The following ACOT8 variants were observed in gnomAD, a reference collection of about 807,000 sequenced individuals.
ACOT8 encodes acyl-coenzyme A thioesterase 8.
A neutral mutation model predicts 38.4 loss-of-function variants in ACOT8; 31 were observed. The observed-to-expected ratio is 0.81, with a 90% CI of 0.61 to 1.09. The LOEUF is 1.09. Among genes scored for constraint, ACOT8 ranks in the 50% least tolerant of loss-of-function variants. ACOT8 has a pLI of 0.00. For missense variants in ACOT8, 373 were observed against 421.8 expected (o/e 0.88, Z 1.01); for synonymous variants, 158 against 170.3 (o/e 0.93, Z 0.56).
In ACOT8 at chr20:45,843,571, C is replaced by T. The variant is rs762380579; in HGVS notation, c.797G>A (p.Arg266Gln). The T allele has an allele frequency of 5.0e-6, 8 of 1,612,274 alleles. No homozygotes were observed. The highest frequency in any genetic ancestry group is 3.3e-5 in the Admixed American group (2 of 59,960). Residue 266 changes from arginine to glutamine, a missense_variant, in exon 5 of 6, where the codon CGA becomes CAA. Arg to Gln is a conservative substitution (Grantham distance 43, BLOSUM62 1). Transcript: ENST00000217455. ...DHSMWFHAPF[R>Q]ADHWMLYECE... ...TTCATAGAGCATCCAGTGGTCAGCT[C>T]GGAAGGGGGCGTGGAACCACATGGA...
At chr20:45,843,983 G>T (rs1984475821) in intron 4 of ACOT8, 1 of 795,678 alleles carries the variant, frequency 1.3e-6, no homozygotes, top group Non-Finnish European at 2.0e-6. Context: ...CTTCCAATTT[G>T]CACAAAGATA....
Position 45,843,508 on chromosome 20 carries a change from C to T in ACOT8, c.841+19G>A, listed in dbSNP as rs1416471680. 7 of 1,605,198 alleles carry T rather than the reference C, an allele frequency of 4.4e-6. No homozygotes were observed. Among genetic ancestry groups the T allele is most frequent in the Non-Finnish European group, 5.1e-6 (6 of 1,175,022 alleles). On this transcript the variant is annotated intron_variant, in intron 5 of 5. Coordinates refer to ENST00000217455, the MANE Select transcript of ACOT8 (RefSeq NM_005469.4). ...CCACTCAAGGTCAGTGCCCTTGTCC[C>T]ACACGGCCCCACACTCACCGGCCCA...
rs747000385 is a variant in ACOT8, at chr20:45,848,543, T to C, written c.395A>G (p.Gln132Arg). 1.2e-6 allele frequency: 2 copies of C among 1,614,004 alleles called. No homozygotes were observed. The highest frequency in any genetic ancestry group is 2.7e-5 in the African/African-American group (2 of 74,900). Residue 132 changes from glutamine (Q) to arginine (R), a missense_variant, in exon 3 of 6, where the codon CAG becomes CGG. Transcript: ENST00000217455. The stretch of plus-strand genomic sequence containing the variant: ...GAACTGGTGCTGCATGGGGCTGGGC[T>C]GGGCCTGCTGGAAGGAGGCCTGGCA... The part of the protein sequence containing the change: ...FICQASFQQA[Q>R]PSPMQHQFSM...
In ACOT8 at chr20:45,844,092, C is replaced by T; in HGVS notation, c.646+171G>A. Reference sequence around the variant, plus strand: ...TCGGGATTATAGTCATCTCCACCTTCTCCCCATGCAAAGGGCTGAGAGGGC... The same window carrying T: ...TCGGGATTATAGTCATCTCCACCTTTTCCCCATGCAAAGGGCTGAGAGGGC... On this transcript the variant is annotated intron_variant, in intron 4 of 5. Transcript: ENST00000217455. The T allele has an allele frequency of 5.6e-5, 54 of 967,990 alleles. No individual in the cohort carries two copies. The South Asian group carries it at 7.0e-4, about 13-fold the overall frequency. The allele number at this position is 967,990 out of a possible 1,614,324, so 60.0% of individuals were successfully genotyped here.
Position 45,855,161 on chromosome 20 carries a change from G to C in ACOT8, c.260C>G (p.Ala87Gly), listed in dbSNP as rs758562529. Residue 87 changes from alanine (A) to glycine (G), a missense_variant and splice_region_variant, in exon 2 of 6, where the codon GCA (alanine) becomes GGA (glycine). Physicochemically the swap from Ala to Gly is moderately conservative, Grantham distance 60. Coordinates refer to ENST00000217455, the MANE Select transcript of ACOT8 (RefSeq NM_005469.4). ...VHSLHCYFVR[A>G]GDPKLPVLYQ... ...GGGGCAGGAAGTGGGGGGTTTACCT[G>C]CCCGAACAAAGTAGCAGTGCAGGGA... The C allele has an allele frequency of 6.2e-7, 1 of 1,613,880 alleles. No individual in the cohort carries two copies. Among genetic ancestry groups the C allele is most frequent in the Admixed American group, 1.7e-5 (1 of 60,006 alleles).
In ACOT8 at chr20:45,855,310, A is replaced by G. The variant is rs1439050309; in HGVS notation, c.129-18T>C. ...GCCTTCCTCTGTAGGGAGAGGGGGA[A>G]AGAGGGAAAGACTTGGGAACTGGGC... is the stretch of plus-strand genomic sequence containing the variant. On this transcript the variant is annotated intron_variant, in intron 1 of 5. Coordinates refer to ENST00000217455, the MANE Select transcript of ACOT8 (RefSeq NM_005469.4). 1 of 1,613,552 alleles carries G rather than the reference A, an allele frequency of 6.2e-7. No individual in the cohort carries two copies. The highest frequency in any genetic ancestry group is 1.7e-5 in the Admixed American group (1 of 60,008).
At position 45,857,138 on chromosome 20, in the gene ACOT8, T is replaced by C. The variant is rs768208439; in HGVS notation, c.128+50A>G. The C allele has an allele frequency of 4.4e-6, 7 of 1,577,134 alleles. No individual in the cohort carries two copies. In the East Asian group the frequency reaches 1.6e-4, roughly 36 times the overall value. On this transcript the variant is annotated intron_variant, in intron 1 of 5. Coordinates refer to ENST00000217455, the MANE Select transcript of ACOT8 (RefSeq NM_005469.4). ...GGGCCCCGGGCGGCGGCAGTCAAGA[T>C]CAAGTTTCTGCCCTAAAGGAGGGGA...
chr20:45,842,383 C>T (rs1351465870), intron 5 of ACOT8: 1 of 1,278,630 alleles, frequency 7.8e-7, no homozygotes, highest in East Asian at 3.5e-5. Flanking sequence ...ACAGCTCGGC[C>T]AAGCAGAACT....
intron 2 of ACOT8, chr20:45,853,733 G>A (rs1985205928): frequency 1.7e-5 from 5 of 298,608 alleles, no homozygotes; most frequent in Non-Finnish European, 1.9e-5. Flanking sequence ...CTGAGCCCAA[G>A]GTAAGTATTC....
intron 1 of ACOT8, among the ~76,000 whole-genome samples, chr20:45,855,729 G>C (rs757368707): frequency 7.2e-5 from 11 of 151,954 alleles, no homozygotes; most frequent in Non-Finnish European, 1.6e-4. Context: ...CTCCAGCCTG[G>C]GTGACAGAGC....
In ACOT8 at chr20:45,843,607, G is replaced by A. The variant is rs142815229; in HGVS notation, c.761C>T (p.Ser254Leu). The stretch of plus-strand genomic sequence containing the variant: ...GTGGAACCACATGGAATGGTCCAGT[G>A]AGACCATGAAGTGCACCTTGTGCTG... ...QWQHKVHFMV[S>L]LDHSMWFHAP... Residue 254 changes from serine (S) to leucine (L), a missense_variant, in exon 5 of 6, where the codon TCA becomes TTA. Ser to Leu is a moderately radical substitution (Grantham distance 145). Transcript: ENST00000217455. The A allele has an allele frequency of 6.2e-7, 1 of 1,613,894 alleles. No individual in the cohort carries two copies. The highest frequency in any genetic ancestry group is 1.3e-5 in the African/African-American group (1 of 75,060).
At chr20:45,850,878 C>T (rs1050612153) in intron 2 of ACOT8, among the ~76,000 whole-genome samples, 1 of 152,060 alleles carries the variant, frequency 6.6e-6, no homozygotes, top group African/African-American at 2.4e-5. Flanking sequence ...AACAAGACCA[C>T]CACCACCAGA....
At chr20:45,851,588 A>C (rs772577447) in intron 2 of ACOT8, among the ~76,000 whole-genome samples, 6 of 152,216 alleles carry the variant, frequency 3.9e-5, no homozygotes, top group Non-Finnish European at 8.8e-5. Flanking sequence ...GCCTGACAGC[A>C]TTGGACAGGA....
chr20:45,844,627 G>A (rs561951994), intron 3 of ACOT8, among the ~76,000 whole-genome samples: 1 of 152,266 alleles, frequency 6.6e-6, no homozygotes, highest in African/African-American at 2.4e-5. Flanking sequence ...TTAGTAATCT[G>A]AGTCTATTTT....
At chr20:45,844,883 C>T (rs1984562787) in intron 3 of ACOT8, among the ~76,000 whole-genome samples, 1 of 152,086 alleles carries the variant, frequency 6.6e-6, no homozygotes, top group African/African-American at 2.4e-5. Context: ...ATTGGAGAGA[C>T]AGGATTTGGA....
chr20:45,856,029 C>T (rs1416365525), intron 1 of ACOT8, among the ~76,000 whole-genome samples: 2 of 152,078 alleles, frequency 1.3e-5, no homozygotes, highest in Non-Finnish European at 2.9e-5. Flanking sequence ...TTTGGGAAGC[C>T]GAGGTGGGAG....
chr20:45,848,302 A>T, intron 3 of ACOT8, 148 bp downstream of exon 3: 2 of 736,882 alleles, frequency 2.7e-6, no homozygotes, highest in Non-Finnish European at 2.2e-6. Flanking sequence ...TCTTGCCCTT[A>T]ATACATACAT....
At chr20:45,848,409 G>A in intron 3 of ACOT8, 41 bp downstream of exon 3, 2 of 1,496,368 alleles carry the variant, frequency 1.3e-6, no homozygotes, top group Non-Finnish European at 1.8e-6. Context: ...GATAGCAGCT[G>A]CATTTTGAAA....
intron 5 of ACOT8, chr20:45,842,358 G>T (rs1984272635): frequency 2.2e-6 from 3 of 1,351,136 alleles, no homozygotes; most frequent in Admixed American, 3.4e-5. Flanking sequence ...GGAGCTCTGA[G>T]AACAGTCTCC....
Sources: allele counts gnomAD v4.1 joint callset (sites outside exome capture counted in the v4.1 genomes callset), GRCh38; gene constraint gnomAD v4.1.1; transcripts MANE v1.5; gene names NCBI Gene and HGNC (gene_info 2026-07-23, HGNC 2026-07-21).